The following PDE10A variants were observed in gnomAD, a reference collection of about 807,000 sequenced individuals.
The protein encoded by PDE10A is phosphodiesterase 10A.
A neutral mutation model predicts 97.7 loss-of-function variants in PDE10A; 39 were observed. The observed-to-expected ratio is 0.40, with a 90% confidence interval of 0.31 to 0.52. The LOEUF is 0.52. Among genes scored for constraint, PDE10A ranks in the 20% least tolerant of loss-of-function variants. The pLI is 0.56. For synonymous variants in PDE10A, 371 were observed against 376.8 expected (o/e 0.98, Z 0.18); for missense variants, 731 against 1,047.8 (o/e 0.70, Z 4.17).
At chr6:165,608,079 T>TGCATATATATAC (rs1562625100) in intron 1 of PDE10A, among the ~76,000 whole-genome samples, 3 of 136,728 alleles carry the variant, frequency 2.2e-5, no homozygotes, top group African/African-American at 1.0e-4. Context: ...TATATGTATA[T>TGCATATATATAC]ATGTATATAT....
At chr6:165,365,720 A>G (rs502012) in intron 18 of PDE10A, among the ~76,000 whole-genome samples, 70,936 of 151,906 alleles carry the variant, frequency 0.47, 17,429 homozygotes, top group African/African-American at 0.63. Flanking sequence ...CCCGGTCTCA[A>G]AAAAGTGAAT....
chr6:165,541,279 C>T (rs1267978744), intron 2 of PDE10A, among the ~76,000 whole-genome samples: 2 of 151,816 alleles, frequency 1.3e-5, no homozygotes, highest in African/African-American at 2.4e-5. Context: ...GTCCCTAGCC[C>T]TCTGCAAGGT....
intron 1 of PDE10A, among the ~76,000 whole-genome samples, chr6:165,981,856 A>C (rs1362749207): frequency 6.6e-6 from 1 of 152,164 alleles, no homozygotes; most frequent in Non-Finnish European, 1.5e-5. Flanking sequence ...TTTGTAAGCT[A>C]TTTTAGAGAT....
At chr6:165,860,988 C>G (rs548419760) in intron 1 of PDE10A, among the ~76,000 whole-genome samples, 1 of 152,358 alleles carries the variant, frequency 6.6e-6, no homozygotes, top group Admixed American at 6.5e-5. Context: ...CATTTGTCTG[C>G]CCAGCTTGCT....
At chr6:165,572,773 G>A (rs1264815413) in intron 1 of PDE10A, among the ~76,000 whole-genome samples, 1 of 152,188 alleles carries the variant, frequency 6.6e-6, no homozygotes, top group African/African-American at 2.4e-5. Context: ...GGAGGTTGAA[G>A]CTGCAGTGAG....
intron 1 of PDE10A, among the ~76,000 whole-genome samples, chr6:165,812,131 C>T (rs192903743): frequency 2.6e-4 from 39 of 152,078 alleles, no homozygotes; most frequent in Admixed American, 1.8e-3. Context: ...GGACTACAGG[C>T]GTGAGCCACC....
intron 3 of PDE10A, among the ~76,000 whole-genome samples, chr6:165,463,970 C>T (rs531867233): frequency 4.3e-4 from 66 of 152,326 alleles, no homozygotes; most frequent in African/African-American, 1.5e-3. Context: ...ATAAGGGATA[C>T]TTTTAGTTAA....
chr6:165,585,498 C>T (rs1785856678), intron 1 of PDE10A, among the ~76,000 whole-genome samples: 1 of 151,992 alleles, frequency 6.6e-6, no homozygotes, highest in Admixed American at 6.6e-5. Flanking sequence ...AAGAGGGAGG[C>T]AGAGGAATTT....
chr6:165,708,306 C>T (rs1248341961), intron 1 of PDE10A, among the ~76,000 whole-genome samples: 2 of 152,066 alleles, frequency 1.3e-5, no homozygotes, highest in African/African-American at 4.8e-5. Flanking sequence ...GCCGTCACAC[C>T]GGGCCTCCCC....
At chr6:165,338,008 C>A (rs531416637) in intron 20 of PDE10A, among the ~76,000 whole-genome samples, 1 of 152,310 alleles carries the variant, frequency 6.6e-6, no homozygotes, top group East Asian at 1.9e-4. Flanking sequence ...AGACACCGAA[C>A]AGGAATGACT....
At chr6:165,770,715 C>T (rs4709090) in intron 1 of PDE10A, among the ~76,000 whole-genome samples, 24,496 of 152,170 alleles carry the variant, frequency 0.16, 2,604 homozygotes, top group East Asian at 0.45. Flanking sequence ...GCTCTAAAAA[C>T]GGGCATTAAC....
intron 1 of PDE10A, among the ~76,000 whole-genome samples, chr6:165,788,532 AAAAAAAAG>A (rs1336154958): frequency 4.0e-5 from 6 of 150,276 alleles, no homozygotes; most frequent in Non-Finnish European, 8.9e-5. Context: ...AAAAAAAAAA[AAAAAAAAG>A]AAAAGAAAAG....
intron 1 of PDE10A, among the ~76,000 whole-genome samples, chr6:165,843,416 A>G (rs767851627): frequency 3.3e-5 from 5 of 152,230 alleles, no homozygotes; most frequent in Non-Finnish European, 7.3e-5. Context: ...CTCGGCTACA[A>G]CAATCTACCC....
intron 1 of PDE10A, chr6:165,775,211 T>C (rs1208464983): frequency 1.3e-5 from 2 of 152,192 alleles, no homozygotes; most frequent in Admixed American, 1.3e-4. Flanking sequence ...AGTCAACAAA[T>C]GCAAACCTCT....
rs536179581 is a variant in PDE10A, at chr6:165,461,579, T to C, written c.1024-11217A>G. Among the ~76,000 whole-genome samples the C allele has an allele frequency of 8.5e-5, 13 of 152,334 alleles. No homozygotes were observed. In the East Asian group the frequency reaches 2.1e-3, roughly 25 times the overall value. On this transcript the variant is annotated intron_variant, in intron 3 of 21. Transcript: ENST00000539869. Reference sequence around the variant, plus strand: ...GCACAGTTAATTGAAAATGCTCAGTTACGATTTCATACAGATGAACAACTG... The same window carrying C: ...GCACAGTTAATTGAAAATGCTCAGTCACGATTTCATACAGATGAACAACTG...
chr6:165,774,540 A>G lies in PDE10A; in HGVS notation c.-615+212989T>C, dbSNP rs192756790. 2.8e-3 allele frequency among the ~76,000 whole-genome samples: 413 copies of G among 147,922 alleles called. 2 individuals are homozygous for G. Among genetic ancestry groups the G allele is most frequent in the African/African-American group, 9.6e-3 (394 of 40,860 alleles). ...ATATATTACATATTATATATAATTTATATACAAATATATAAAACATAACAT... is the reference window on the plus strand; with the variant it reads ...ATATATTACATATTATATATAATTTGTATACAAATATATAAAACATAACAT... On this transcript the variant is annotated intron_variant, in intron 1 of 19. Coordinates refer to the PDE10A transcript ENST00000366882.
At chr6:165,468,621 T>G (rs1332227943) in intron 3 of PDE10A, among the ~76,000 whole-genome samples, 2 of 152,190 alleles carry the variant, frequency 1.3e-5, no homozygotes, top group Non-Finnish European at 2.9e-5. Flanking sequence ...TAGCAGTGTG[T>G]CAAGCATTAT....
chr6:165,467,403 G>C (rs182513603), intron 3 of PDE10A, among the ~76,000 whole-genome samples: 6 of 152,292 alleles, frequency 3.9e-5, no homozygotes, highest in East Asian at 1.9e-4. Flanking sequence ...TGGCTTCAAA[G>C]TTTCAAAGAA....
chr6:165,788,710 A>G (rs1253359317), intron 1 of PDE10A, among the ~76,000 whole-genome samples: 2 of 152,142 alleles, frequency 1.3e-5, no homozygotes, highest in African/African-American at 4.8e-5. Context: ...TGCTAATTCT[A>G]GAAGAAATAA....
Sources: allele counts gnomAD v4.1 joint callset (sites outside exome capture counted in the v4.1 genomes callset), GRCh38; gene constraint gnomAD v4.1.1; transcripts MANE v1.5; gene names NCBI Gene and HGNC (gene_info 2026-07-23, HGNC 2026-07-21).